Variants in KCNJ1 observed in about 807,000 individuals in gnomAD.
The protein encoded by KCNJ1 is ATP-sensitive inward rectifier potassium channel 1.
In KCNJ1, 24 loss-of-function variants were observed where a neutral mutation model predicts 21.9. That is an observed-to-expected ratio of 1.10 (90% CI 0.79 to 1.54). The LOEUF (loss-of-function observed/expected upper bound fraction) is 1.54. Among genes scored for constraint, KCNJ1 ranks in the 40% most tolerant of loss-of-function variants. The pLI is 0.00. For missense variants in KCNJ1, 457 were observed against 455.4 expected (o/e 1.00, Z -0.03); for synonymous variants, 152 against 160.9 (o/e 0.94, Z 0.42).
Position 128,850,868 on chromosome 11 carries a change from T to C in KCNJ1, c.-169A>G, listed in dbSNP as rs942007694. 2.0e-6 allele frequency: 2 copies of C among 985,354 alleles called. No homozygotes were observed. Among genetic ancestry groups the C allele is most frequent in the African/African-American group, 3.5e-5 (2 of 57,238 alleles). 61.0% of individuals were successfully genotyped at this position (985,354 alleles called of 1,614,324 possible). A position where few individuals can be genotyped will look rare whatever the true frequency, so the allele number is the denominator to read the frequency against. On this transcript the variant is annotated 5_prime_UTR_variant, in exon 2 of 3. Coordinates refer to ENST00000392666, the MANE Select transcript of KCNJ1 (RefSeq NM_153766.3). ...TCTTTGTCAGGGCCCAGGATGGGGA[T>C]GAAGGCACAGTAGAGAAGAAACCTG...
chr11:128,854,024 C>G (rs9736602), intron 1 of KCNJ1, among the ~76,000 whole-genome samples: 149,556 of 149,560 alleles, frequency 1, 74,776 homozygotes, highest in Middle Eastern at 1. Context: ...TCCAGGCTGG[C>G]CCGTGGGCCC....
intron 1 of KCNJ1, among the ~76,000 whole-genome samples, chr11:128,855,361 GA>G (rs1943569746): frequency 6.6e-6 from 1 of 152,148 alleles, no homozygotes; most frequent in African/African-American, 2.4e-5. Context: ...AGCAGATGGA[GA>G]AAAGAGGATA....
chr11:128,850,447 G>A (rs978599518), intron 2 of KCNJ1, among the ~76,000 whole-genome samples: 2 of 152,164 alleles, frequency 1.3e-5, no homozygotes, highest in African/African-American at 4.8e-5. Context: ...GAGAACAGAG[G>A]CTCAACAGGT....
At chr11:128,862,511 C>A (rs904160161) in intron 1 of KCNJ1, among the ~76,000 whole-genome samples, 2 of 152,210 alleles carry the variant, frequency 1.3e-5, no homozygotes, top group Admixed American at 6.5e-5. Context: ...TCCATCCCCC[C>A]CGGGGCTGCC....
At chr11:128,842,386 G>T in intron 2 of KCNJ1, 2 of 1,613,762 alleles carry the variant, frequency 1.2e-6, no homozygotes, top group Non-Finnish European at 8.5e-7. Context: ...ACTTACCAAC[G>T]TGTCAAACAC....
At chr11:128,864,168 C>T (rs1173974747) in intron 1 of KCNJ1, among the ~76,000 whole-genome samples, 1 of 144,932 alleles carries the variant, frequency 6.9e-6, no homozygotes, top group Non-Finnish European at 1.5e-5. Flanking sequence ...CTCACTGCAA[C>T]CTCCGCCTCC....
Position 128,840,197 on chromosome 11 carries a change from T to C in KCNJ1, c.47A>G (p.His16Arg), listed in dbSNP as rs559076988. 1.9e-6 allele frequency: 3 copies of C among 1,614,026 alleles called. No individual in the cohort carries two copies. The highest frequency in any genetic ancestry group is 2.2e-5 in the East Asian group (1 of 44,898). ...RKWVVTRFFGHSRQRARLVSK... is the reference protein window; with the variant it reads ...RKWVVTRFFGRSRQRARLVSK... ...GACTAGCCTTGCTCTTTGCCGAGAA[T>C]GCCCAAAAAAGCGAGTGACGACCCA... Residue 16 changes from histidine to arginine, a missense_variant, in exon 3 of 3, where the codon CAT (histidine) becomes CGT (arginine). Coordinates refer to ENST00000392666, the MANE Select transcript of KCNJ1 (RefSeq NM_153766.3).
chr11:128,864,034 G>T (rs2855797), intron 1 of KCNJ1, among the ~76,000 whole-genome samples: 16,859 of 142,458 alleles, frequency 0.12, 1,102 homozygotes, highest in South Asian at 0.27. Context: ...TGACCTTAAG[G>T]TTTATTACTG....
At chr11:128,840,948 T>A (rs1298463628) in intron 2 of KCNJ1, among the ~76,000 whole-genome samples, 1 of 152,200 alleles carries the variant, frequency 6.6e-6, no homozygotes, top group Non-Finnish European at 1.5e-5. Flanking sequence ...CTAGGGGAGC[T>A]TCTACCACTC....
chr11:128,840,332 A>G, intron 2 of KCNJ1, 68 bp from the exon 3 acceptor site: 1 of 1,426,056 alleles, frequency 7.0e-7, no homozygotes, highest in Non-Finnish European at 9.9e-7. Context: ...GGTGACCCAC[A>G]TGAAAGACCT....
At chr11:128,863,090 A>G (rs529829348) in intron 1 of KCNJ1, among the ~76,000 whole-genome samples, 64 of 152,354 alleles carry the variant, frequency 4.2e-4, no homozygotes, top group African/African-American at 1.4e-3. Flanking sequence ...GACTTCCCCT[A>G]CGGGTAGTCA....
At chr11:128,848,092 T>A (rs1718668989) in intron 2 of KCNJ1, among the ~76,000 whole-genome samples, 1 of 151,812 alleles carries the variant, frequency 6.6e-6, no homozygotes, top group Non-Finnish European at 1.5e-5. Flanking sequence ...ATCGAGACCA[T>A]CCTGGCTAAC....
intron 1 of KCNJ1, among the ~76,000 whole-genome samples, chr11:128,853,484 G>A (rs1943515059): frequency 6.6e-6 from 1 of 152,230 alleles, no homozygotes; most frequent in Non-Finnish European, 1.5e-5. Context: ...TAGACTGGTG[G>A]CTGCCAGGGG....
chr11:128,866,483 A>T, intron 1 of KCNJ1: 1 of 847,844 alleles, frequency 1.2e-6, no homozygotes, highest in Non-Finnish European at 1.4e-6. Flanking sequence ...CTATGCACCA[A>T]ATCTGTAAGA....
chr11:128,851,405 CAAAT>C (rs1943475985), intron 1 of KCNJ1, among the ~76,000 whole-genome samples: 2 of 152,264 alleles, frequency 1.3e-5, no homozygotes, highest in Non-Finnish European at 2.9e-5. Flanking sequence ...TTTTGCAAAT[CAAAT>C]AATCATTCTT....
Position 128,849,095 on chromosome 11 carries a change from G to A in KCNJ1, c.-22+1626C>T, listed in dbSNP as rs59338888. Reference sequence around the variant, plus strand: ...AGGCCTGTAGTGTCATCCGAGGCACGGATACAAAATCTCTTAAAGGTGTTG... The same window carrying A: ...AGGCCTGTAGTGTCATCCGAGGCACAGATACAAAATCTCTTAAAGGTGTTG... On this transcript the variant is annotated intron_variant, in intron 2 of 2. Coordinates refer to ENST00000392666, the MANE Select transcript of KCNJ1 (RefSeq NM_153766.3). Among the ~76,000 whole-genome samples, 1,007 of 152,282 alleles carry A rather than the reference G, an allele frequency of 6.6e-3. 3 individuals carry two copies. Among genetic ancestry groups the A allele is most frequent in the African/African-American group, 0.022 (932 of 41,544 alleles).
chr11:128,846,877 C>T (rs950909496), intron 2 of KCNJ1, among the ~76,000 whole-genome samples: 1 of 152,092 alleles, frequency 6.6e-6, no homozygotes, highest in Admixed American at 6.6e-5. Context: ...AGCAATCTCA[C>T]AAATCATCAG....
intron 1 of KCNJ1, among the ~76,000 whole-genome samples, chr11:128,865,952 C>A (rs1238395164): frequency 6.6e-6 from 1 of 152,108 alleles, no homozygotes; most frequent in African/African-American, 2.4e-5. Context: ...TTTACAAGGG[C>A]AGTCTTGCAC....
chr11:128,852,564 C>T (rs1943494668), intron 1 of KCNJ1, among the ~76,000 whole-genome samples: 1 of 152,226 alleles, frequency 6.6e-6, no homozygotes, highest in African/African-American at 2.4e-5. Flanking sequence ...TCTGGGAAAG[C>T]CCTGGAGCCA....
Sources: gnomAD v4.1 joint callset for allele counts (sites outside exome capture counted in the v4.1 genomes callset) on GRCh38, gnomAD v4.1.1 for gene constraint, MANE v1.5 for transcripts, NCBI Gene and HGNC (gene_info 2026-07-23, HGNC 2026-07-21) for gene names.